The following ROCK2 variants were observed in gnomAD, a reference collection of about 807,000 sequenced individuals.
ROCK2 encodes rho-associated protein kinase 2.
ROCK2 carries 61 observed loss-of-function variants against 195.1 expected under a neutral mutation model. The ratio of observed to expected loss-of-function variants is 0.31; its 90% confidence interval spans 0.25 to 0.39. ROCK2 has a LOEUF of 0.39. Ranked by LOEUF, ROCK2 falls within the 10% of genes least tolerant of loss-of-function variation. The pLI is 1.00. For missense variants in ROCK2, 1,109 were observed against 1,637.4 expected (o/e 0.68, Z 5.57); for synonymous variants, 504 against 545.5 (o/e 0.92, Z 1.06).
At chr2:11,322,634 CA>C (rs921722587) in intron 1 of ROCK2, among the ~76,000 whole-genome samples, 4 of 152,142 alleles carry the variant, frequency 2.6e-5, no homozygotes, top group African/African-American at 9.7e-5. Context: ...CTCTTTAATT[CA>C]TCATTTAACT....
rs78351932 is a variant in ROCK2 at position 11,285,263 on chromosome 2, A to T, written c.324+1276T>A. 7.8e-5 allele frequency among the ~76,000 whole-genome samples: 3 copies of T among 38,558 alleles called. No individual in the cohort carries two copies. In the South Asian group the frequency reaches 2.6e-3, roughly 33 times the overall value. 25.3% of individuals were successfully genotyped at this position (38,558 alleles called of 152,430 possible). ...GGCAACAAGAGTGAAACTCTGTCTA[A>T]AAAAAAAAAAAAAAAAAAATGTTTA... is the stretch of plus-strand genomic sequence containing the variant. On this transcript the variant is annotated intron_variant, in intron 3 of 32. Transcript: ENST00000315872.
chr2:11,249,572 G>T, intron 4 of ROCK2, 89 bp downstream of exon 4: 1 of 1,021,114 alleles, frequency 9.8e-7, no homozygotes, highest in Non-Finnish European at 1.3e-6. Flanking sequence ...TGTAAATGAA[G>T]CATAAGACTT....
chr2:11,262,358 G>C (rs1666256988), intron 3 of ROCK2, among the ~76,000 whole-genome samples: 1 of 152,054 alleles, frequency 6.6e-6, no homozygotes. Context: ...ACTTTCTGAA[G>C]CTAATATGTA....
At chr2:11,208,854 A>G (rs1373757888) in intron 18 of ROCK2, among the ~76,000 whole-genome samples, 3 of 152,126 alleles carry the variant, frequency 2.0e-5, no homozygotes, top group Non-Finnish European at 4.4e-5. Context: ...CGGCCACCCA[A>G]AGTGCTGGAA....
intron 20 of ROCK2, among the ~76,000 whole-genome samples, chr2:11,206,008 C>G (rs1399540602): frequency 6.6e-6 from 1 of 151,830 alleles, no homozygotes; most frequent in African/African-American, 2.4e-5. Flanking sequence ...ACTTGGGAGG[C>G]TGAGGCAGGA....
At chr2:11,303,191 G>C (rs1045780704) in intron 1 of ROCK2, among the ~76,000 whole-genome samples, 1 of 152,244 alleles carries the variant, frequency 6.6e-6, no homozygotes, top group South Asian at 2.1e-4. Context: ...GATCCTCCAG[G>C]ATAAAAATCT....
In ROCK2 at chr2:11,203,965, T is replaced by G. The variant is rs377541640; in HGVS notation, c.2550-1844A>C. On this transcript the variant is annotated intron_variant, in intron 20 of 32. Coordinates refer to ENST00000315872, the MANE Select transcript of ROCK2 (RefSeq NM_004850.5). ...GTAACTTTTATAACCTAATATTTATTAGGTATTTAAGAAAAGTAATTTTCA... is the reference window on the plus strand; with the variant it reads ...GTAACTTTTATAACCTAATATTTATGAGGTATTTAAGAAAAGTAATTTTCA... Among the ~76,000 whole-genome samples the G allele has an allele frequency of 5.5e-4, 83 of 152,282 alleles. No homozygotes were observed. The South Asian group carries it at 5.6e-3, about 10-fold the overall frequency.
intron 6 of ROCK2, 66 bp from the exon 7 acceptor site, chr2:11,224,526 T>C: frequency 7.1e-7 from 1 of 1,399,920 alleles, no homozygotes; most frequent in Non-Finnish European, 1.0e-6. Context: ...TTTCACCTAG[T>C]ACTTAAATAT....
chr2:11,210,522 G>A (rs572752331), intron 18 of ROCK2, among the ~76,000 whole-genome samples: 2 of 152,086 alleles, frequency 1.3e-5, no homozygotes, highest in Non-Finnish European at 2.9e-5. Flanking sequence ...TCTATTTTTT[G>A]TAGAGATAGG....
At position 11,192,807 on chromosome 2, in the gene ROCK2, A is replaced by T; in HGVS notation, c.3688-95T>A. ...AGTGTAAGTAAAATAAAATTAGCCTAAATTATTCAAAGAGAAGAAAATGTA... is the reference window on the plus strand; with the variant it reads ...AGTGTAAGTAAAATAAAATTAGCCTTAATTATTCAAAGAGAAGAAAATGTA... On this transcript the variant is annotated intron_variant, in intron 30 of 32. Coordinates refer to ENST00000315872, the MANE Select transcript of ROCK2 (RefSeq NM_004850.5). This position sits in a 1 kb window ranked among gnomAD's most constrained non-coding sequence, Gnocchi z 5.0. 1 of 1,333,404 alleles carries T rather than the reference A, an allele frequency of 7.5e-7. No homozygotes were observed. Among genetic ancestry groups the T allele is most frequent in the Non-Finnish European group, 1.0e-6 (1 of 991,496 alleles). The allele number at this position is 1,333,404 out of a possible 1,614,324, so 82.6% of individuals were successfully genotyped here. A position where few individuals can be genotyped will look rare whatever the true frequency, so the allele number is the denominator to read the frequency against.
At position 11,343,985 on chromosome 2, in the gene ROCK2, C is replaced by G; in HGVS notation, c.141+11G>C. The G allele has an allele frequency of 1.3e-6, 2 of 1,585,054 alleles. No individual in the cohort carries two copies. Among genetic ancestry groups the G allele is most frequent in the African/African-American group, 1.4e-5 (1 of 71,454 alleles). ...CTGCAACGAGCAAGCTCCCAGGCCC[C>G]GGCCACCTACCAGCAAGCTCTCCAC... On this transcript the variant is annotated intron_variant, in intron 1 of 32. Coordinates refer to ENST00000315872, the MANE Select transcript of ROCK2 (RefSeq NM_004850.5).
At chr2:11,267,699 GC>G (rs1201700633) in intron 3 of ROCK2, among the ~76,000 whole-genome samples, 1 of 131,250 alleles carries the variant, frequency 7.6e-6, no homozygotes, top group African/African-American at 2.8e-5. Flanking sequence ...CTATCAATAC[GC>G]CTTTTTTTTT....
intron 4 of ROCK2, among the ~76,000 whole-genome samples, chr2:11,241,209 T>C (rs752684252): frequency 6.6e-6 from 1 of 151,868 alleles, no homozygotes; most frequent in African/African-American, 2.4e-5. Context: ...ATAAGCCAAA[T>C]AGAATGGGAC....
intron 3 of ROCK2, among the ~76,000 whole-genome samples, chr2:11,269,354 A>T (rs1666541634): frequency 6.6e-6 from 1 of 151,964 alleles, no homozygotes. Context: ...TCTACTAAAA[A>T]CACAAAAACT....
At chr2:11,290,834 AAAC>A (rs563358668) in intron 1 of ROCK2, among the ~76,000 whole-genome samples, 18 of 152,144 alleles carry the variant, frequency 1.2e-4, no homozygotes, top group Admixed American at 2.0e-4. Flanking sequence ...CTGGAGGGAA[AAAC>A]AACAACAACA....
intron 5 of ROCK2, among the ~76,000 whole-genome samples, chr2:11,232,451 G>T (rs1394037698): frequency 6.6e-6 from 1 of 152,120 alleles, no homozygotes; most frequent in East Asian, 1.9e-4. Flanking sequence ...ATTTCTAATG[G>T]CTTTGGTATA....
intron 13 of ROCK2, 83 bp from the exon 14 acceptor site, chr2:11,215,728 AT>A (rs1196617775): frequency 6.0e-6 from 7 of 1,167,082 alleles, no homozygotes; most frequent in Non-Finnish European, 7.1e-6. Flanking sequence ...TTCCAAACAG[AT>A]AAAAAAGATC....
At position 11,218,437 on chromosome 2, in the gene ROCK2, C is replaced by T; in HGVS notation, c.1332+18G>A. On this transcript the variant is annotated intron_variant, in intron 11 of 32. Transcript: ENST00000315872. Reference sequence around the variant, plus strand: ...AGCTTTTCTCAGTTTTTCAATATATCTGACAACATCAACATACCTCTTGAC... The same window carrying T: ...AGCTTTTCTCAGTTTTTCAATATATTTGACAACATCAACATACCTCTTGAC... The T allele has an allele frequency of 6.4e-7, 1 of 1,555,402 alleles. No homozygotes were observed. Among genetic ancestry groups the T allele is most frequent in the Non-Finnish European group, 8.7e-7 (1 of 1,147,500 alleles).
At position 11,207,741 on chromosome 2, in the gene ROCK2, T is replaced by C. The variant is rs748373019; in HGVS notation, c.2534A>G (p.Asn845Ser). 3 of 1,604,090 alleles carry C rather than the reference T, an allele frequency of 1.9e-6. No individual in the cohort carries two copies. In the African/African-American group the frequency reaches 4.0e-5, roughly 22 times the overall value. ...MEMKMNLEKQ[N>S]AELRKERQDA... ...ATTAACTTACTTTCGAAGTTCAGCA[T>C]TTTGTTTTTCCAAGTTCATTTTCAT... is the stretch of plus-strand genomic sequence containing the variant. The change falls in exon 20 of 33, where the codon AAT (asparagine) becomes AGT (serine). Residue 845 changes from asparagine to serine, a missense_variant. Asn to Ser is a conservative substitution (Grantham distance 46). Coordinates refer to ENST00000315872, the MANE Select transcript of ROCK2 (RefSeq NM_004850.5).
Sources: allele counts gnomAD v4.1 joint callset (sites outside exome capture counted in the v4.1 genomes callset), GRCh38; gene constraint gnomAD v4.1.1; non-coding constraint Gnocchi (gnomAD v3.1); transcripts MANE v1.5; gene names NCBI Gene and HGNC (gene_info 2026-07-23, HGNC 2026-07-21).